Variants in WAC observed in about 807,000 individuals in gnomAD.
WAC encodes the protein WW domain-containing adapter protein with coiled-coil.
A neutral mutation model predicts 79.6 loss-of-function variants in WAC; 11 were observed. That is an observed-to-expected ratio of 0.14 (90% confidence interval 0.09 to 0.23). The LOEUF is 0.23. WAC is among the 10% of genes least tolerant of loss of function. The pLI is 1.00. For synonymous variants in WAC, 304 were observed against 276.9 expected, an observed-to-expected ratio of 1.10 and a Z score of -0.97; for missense variants, 728 against 773.5, an observed-to-expected ratio of 0.94 and a Z score of 0.70.
At chr10:28,593,289 G>C (rs1489129520) in intron 6 of WAC, among the ~76,000 whole-genome samples, 2 of 152,098 alleles carry the variant, frequency 1.3e-5, no homozygotes, top group Non-Finnish European at 2.9e-5. Flanking sequence ...TTGTGTTTCG[G>C]TGTATTGGTG....
At chr10:28,573,249 C>T (rs533811714) in intron 3 of WAC, among the ~76,000 whole-genome samples, 1 of 152,138 alleles carries the variant, frequency 6.6e-6, no homozygotes, top group African/African-American at 2.4e-5. Context: ...TAACAATTGT[C>T]ATCTCCCCCC....
intron 1 of WAC, 146 bp from the exon 2 acceptor site, chr10:28,533,852 G>A (rs919358200): frequency 8.9e-6 from 10 of 1,119,926 alleles, no homozygotes; most frequent in Non-Finnish European, 1.3e-5. Context: ...GAGGCTCCGG[G>A]TTTGTGCCGT....
chr10:28,612,297 G>T (rs977356575), intron 10 of WAC, among the ~76,000 whole-genome samples: 32 of 152,196 alleles, frequency 2.1e-4, no homozygotes, highest in Non-Finnish European at 4.4e-4. Context: ...GGCAGTTTCT[G>T]TGCTAAGAAC....
intron 3 of WAC, among the ~76,000 whole-genome samples, chr10:28,558,825 T>G (rs1356398928): frequency 2.6e-5 from 4 of 152,198 alleles, no homozygotes; most frequent in Admixed American, 2.6e-4. Flanking sequence ...TTTTGTGCAC[T>G]GTGGGCTTTT....
At chr10:28,616,413 A>G (rs1463167922) in intron 12 of WAC, 51 bp downstream of exon 12, 1 of 1,381,240 alleles carries the variant, frequency 7.2e-7, no homozygotes, top group South Asian at 1.7e-5. Flanking sequence ...GCAAAACAGA[A>G]TTTAATCAAC....
chr10:28,567,251 G>A (rs1469131769), intron 3 of WAC, among the ~76,000 whole-genome samples: 3 of 149,196 alleles, frequency 2.0e-5, no homozygotes, highest in East Asian at 3.9e-4. Flanking sequence ...AATTTCTTTC[G>A]AAGTATATTT....
At chr10:28,540,419 T>C (rs866732005) in intron 3 of WAC, among the ~76,000 whole-genome samples, 14 of 152,344 alleles carry the variant, frequency 9.2e-5, no homozygotes, top group African/African-American at 3.1e-4. Context: ...TGCTAATATC[T>C]TCACCCTTCT....
intron 7 of WAC, among the ~76,000 whole-genome samples, chr10:28,596,469 T>C (rs964126007): frequency 6.6e-6 from 1 of 152,156 alleles, no homozygotes; most frequent in African/African-American, 2.4e-5. Context: ...CAGTTTGTGA[T>C]TAGAAAATTA....
intron 3 of WAC, among the ~76,000 whole-genome samples, chr10:28,569,951 T>C (rs1838854777): frequency 6.6e-6 from 1 of 152,210 alleles, no homozygotes; most frequent in Non-Finnish European, 1.5e-5. Context: ...GGGTTATCAA[T>C]GGCTCTATCC....
At chr10:28,581,386 A>C (rs1435527057) in intron 3 of WAC, among the ~76,000 whole-genome samples, 1 of 150,514 alleles carries the variant, frequency 6.6e-6, no homozygotes, top group Non-Finnish European at 1.5e-5. Context: ...GCCTGGCCTC[A>C]GTGAGCACCT....
At chr10:28,559,480 C>T (rs903986934) in intron 3 of WAC, among the ~76,000 whole-genome samples, 15 of 151,984 alleles carry the variant, frequency 9.9e-5, no homozygotes, top group African/African-American at 3.4e-4. Flanking sequence ...AAGAAGGAAA[C>T]GGAGGCAAAA....
At chr10:28,538,073 C>T (rs1010083871) in intron 3 of WAC, among the ~76,000 whole-genome samples, 5 of 152,102 alleles carry the variant, frequency 3.3e-5, no homozygotes, top group African/African-American at 9.7e-5. Flanking sequence ...TGAGGTATAT[C>T]TCCATTCTGG....
intron 3 of WAC, among the ~76,000 whole-genome samples, chr10:28,559,136 A>ATTGTGTGTGTG (rs1554780979): frequency 7.5e-5 from 11 of 146,762 alleles, no homozygotes; most frequent in South Asian, 2.2e-4. Flanking sequence ...GAGAAACCTG[A>ATTGTGTGTGTG]TGTGTGTGTG....
Position 28,533,545 on chromosome 10 carries a change from C to T in WAC, c.-35C>T, listed in dbSNP as rs753196955. On this transcript the variant is annotated 5_prime_UTR_variant, in exon 1 of 14. Coordinates refer to ENST00000354911, the MANE Select transcript of WAC (RefSeq NM_016628.5). ...CGCCCGCCTTTCGCGGCCGCTCTCC[C>T]CCCTCCCCGACACACACTCACAGGC... The T allele has an allele frequency of 2.2e-6, 3 of 1,376,834 alleles. No homozygotes were observed. The highest frequency in any genetic ancestry group is 2.9e-6 in the Non-Finnish European group (3 of 1,043,418). 85.3% of individuals were successfully genotyped at this position (1,376,834 alleles called of 1,614,324 possible).
chr10:28,577,961 G>A (rs916644296), intron 3 of WAC, among the ~76,000 whole-genome samples: 1 of 152,074 alleles, frequency 6.6e-6, no homozygotes, highest in Non-Finnish European at 1.5e-5. Context: ...ACAAGAGTTC[G>A]AAAATAGCCT....
Position 28,622,882 on chromosome 10 carries a change from A to G in WAC, c.*3276A>G, listed in dbSNP as rs1182222980. 1 of 152,204 alleles carries G rather than the reference A, an allele frequency of 6.6e-6. No homozygotes were observed. Among genetic ancestry groups the G allele is most frequent in the African/African-American group, 2.4e-5 (1 of 41,452 alleles). 9.4% of individuals were successfully genotyped at this position (152,204 alleles called of 1,614,324 possible). A position where few individuals can be genotyped will look rare whatever the true frequency, so the allele number is the denominator to read the frequency against. On this transcript the variant is annotated 3_prime_UTR_variant, in exon 14 of 14. Coordinates refer to ENST00000354911, the MANE Select transcript of WAC (RefSeq NM_016628.5). ...GGAACTATTGTAGTTCAGGACTTCC[A>G]GCTACTGTATTTAGATGTTGGGTTT...
chr10:28,572,653 A>G (rs1175933022), intron 3 of WAC, among the ~76,000 whole-genome samples: 1 of 151,944 alleles, frequency 6.6e-6, no homozygotes, highest in African/African-American at 2.4e-5. Context: ...TCTACTAAAA[A>G]TACAAAAATT....
At chr10:28,551,528 C>A (rs1365183846) in intron 3 of WAC, among the ~76,000 whole-genome samples, 1 of 152,198 alleles carries the variant, frequency 6.6e-6, no homozygotes, top group African/African-American at 2.4e-5. Context: ...CCAGGGGCCA[C>A]ATAGCAGATC....
At chr10:28,608,067 G>C (rs1215807284) in intron 7 of WAC, 119 bp from the exon 8 acceptor site, 1 of 1,100,552 alleles carries the variant, frequency 9.1e-7, no homozygotes, top group African/African-American at 1.6e-5. Context: ...GCTCCAGTGT[G>C]TAAGGGTTAA....
Sources: gnomAD v4.1 joint callset for allele counts (sites outside exome capture counted in the v4.1 genomes callset) on GRCh38, gnomAD v4.1.1 for gene constraint, MANE v1.5 for transcripts, NCBI Gene and HGNC (gene_info 2026-07-23, HGNC 2026-07-21) for gene names.